The following EPHA3 variants were observed in gnomAD, a reference collection of about 807,000 sequenced individuals.
EPHA3 encodes ephrin type-A receptor 3.
Under a neutral mutation model 107.1 loss-of-function variants are expected in EPHA3, and 42 were observed. The observed-to-expected ratio is 0.39, with a 90% confidence interval of 0.31 to 0.51. The LOEUF (loss-of-function observed/expected upper bound fraction) is 0.51. EPHA3 is among the 20% of genes least tolerant of loss of function. EPHA3 has a pLI of 0.78. For synonymous variants in EPHA3, 461 were observed against 424.8 expected (o/e 1.09, Z -1.05); for missense variants, 1,183 against 1,211.2 (o/e 0.98, Z 0.35).
chr3:89,360,589 G>A (rs1708073302), intron 5 of EPHA3, among the ~76,000 whole-genome samples: 2 of 150,804 alleles, frequency 1.3e-5, no homozygotes. Flanking sequence ...CATATCACAA[G>A]AATCTCACCA....
intron 3 of EPHA3, among the ~76,000 whole-genome samples, chr3:89,223,628 T>G (rs1704434366): frequency 6.6e-6 from 1 of 152,174 alleles, no homozygotes; most frequent in South Asian, 2.1e-4. Flanking sequence ...GTACATGACT[T>G]GGTATCCATC....
intron 1 of EPHA3, among the ~76,000 whole-genome samples, chr3:89,108,332 G>A (rs1361241175): frequency 6.6e-6 from 1 of 152,138 alleles, no homozygotes. Context: ...TTGTCGAAGC[G>A]GAGGTGCGTG....
Position 89,355,925 on chromosome 3 carries a change from T to C in EPHA3, c.1306+13835T>C, listed in dbSNP as rs1332166399. 1.3e-5 allele frequency among the ~76,000 whole-genome samples: 2 copies of C among 150,292 alleles called. 1 individual carries two copies. The highest frequency in any genetic ancestry group is 3.0e-5 in the Non-Finnish European group (2 of 67,224). ...GTATACATGTGTCATGCTGGTGTGCTGCACCCATTAACTCTTCATTTAGCA... is the reference window on the plus strand; with the variant it reads ...GTATACATGTGTCATGCTGGTGTGCCGCACCCATTAACTCTTCATTTAGCA... On this transcript the variant is annotated intron_variant, in intron 5 of 16. Transcript: ENST00000336596.
rs1162005172 is a variant in EPHA3, at chr3:89,413,250, T to A, written c.1872T>A (p.Asp624Glu). Residue 624 changes from aspartate to glutamate, a missense_variant, in exon 10 of 17, where the codon GAT (aspartate) becomes GAA (glutamate). By Grantham distance (45) the Asp-to-Glu change is conservative (BLOSUM62 2). Transcript: ENST00000336596. ...KELDATNISI[D>E]KVVGAGEFGE... ...TGGATGCCACCAACATATCCATTGA[T>A]AAAGTTGTTGGAGCAGGTAACCACA... 2.5e-6 allele frequency: 4 copies of A among 1,611,634 alleles called. No individual in the cohort carries two copies. The South Asian group carries it at 3.3e-5, about 13-fold the overall frequency.
intron 3 of EPHA3, among the ~76,000 whole-genome samples, chr3:89,211,247 G>T (rs1271490437): frequency 6.6e-6 from 1 of 151,648 alleles, no homozygotes; most frequent in Non-Finnish European, 1.5e-5. Flanking sequence ...TATTAAAATC[G>T]CTTTATATTT....
intron 3 of EPHA3, among the ~76,000 whole-genome samples, chr3:89,329,742 T>A (rs1051814826): frequency 6.6e-6 from 1 of 152,084 alleles, no homozygotes; most frequent in African/African-American, 2.4e-5. Context: ...ATATTTTATT[T>A]TCATAACACC....
At chr3:89,109,692 C>T (rs1170207265) in intron 1 of EPHA3, among the ~76,000 whole-genome samples, 1 of 151,938 alleles carries the variant, frequency 6.6e-6, no homozygotes, top group African/African-American at 2.4e-5. Flanking sequence ...TTAAGCCTCA[C>T]CTCATGTATG....
At chr3:89,450,110 G>GAAA in intron 14 of EPHA3, 67 bp from the exon 15 acceptor site, 9 of 1,364,714 alleles carry the variant, frequency 6.6e-6, no homozygotes, top group Non-Finnish European at 8.9e-6. Flanking sequence ...CCCCGCCCAT[G>GAAA]AAAACGTAAA....
In EPHA3 at chr3:89,386,482, A is replaced by C. The variant is rs190364297; in HGVS notation, c.1307-9355A>C. On this transcript the variant is annotated intron_variant, in intron 5 of 16. Transcript: ENST00000336596. ...TTCCTAGTGTTGAGCCTGCAGGTGC[A>C]CTGAGGTTTGGGAACCTCCACCTAT... Among the ~76,000 whole-genome samples the C allele has an allele frequency of 1.6e-4, 24 of 152,326 alleles. No individual in the cohort carries two copies. In the East Asian group the frequency reaches 3.9e-3, roughly 25 times the overall value.
rs1559757843 is a variant in EPHA3 at position 89,160,587 on chromosome 3, TGTGC to T, written c.153+33316_153+33319del. Among the ~76,000 whole-genome samples the T allele has an allele frequency of 6.0e-4, 81 of 135,146 alleles. 1 individual carries two copies. The highest frequency in any genetic ancestry group is 2.3e-3 in the African/African-American group (78 of 34,144). The allele number at this position is 135,146 out of a possible 152,430, so 88.7% of individuals were successfully genotyped here. A position where few individuals can be genotyped will look rare whatever the true frequency, so the allele number is the denominator to read the frequency against. Reference sequence around the variant, plus strand: ...GTGTGTGTGTGTGTGTGTGTGTGTGTGTGCGCGCATTCTTTTTCTGTGTGTATTT... The same window carrying T: ...GTGTGTGTGTGTGTGTGTGTGTGTGTGCGCATTCTTTTTCTGTGTGTATTT... On this transcript the variant is annotated intron_variant, in intron 2 of 16. Coordinates refer to ENST00000336596, the MANE Select transcript of EPHA3 (RefSeq NM_005233.6).
At chr3:89,449,826 A>G (rs1163181260) in intron 14 of EPHA3, among the ~76,000 whole-genome samples, 1 of 152,200 alleles carries the variant, frequency 6.6e-6, no homozygotes, top group East Asian at 1.9e-4. Context: ...AATTTTGTCC[A>G]TATTCATTCA....
At chr3:89,274,041 G>C (rs561029258) in intron 3 of EPHA3, among the ~76,000 whole-genome samples, 74 of 152,000 alleles carry the variant, frequency 4.9e-4, no homozygotes, top group African/African-American at 1.7e-3. Context: ...CCTCAGCTGA[G>C]AACATGCATG....
chr3:89,180,236 A>T (rs1209301708), intron 2 of EPHA3, among the ~76,000 whole-genome samples: 1 of 151,890 alleles, frequency 6.6e-6, no homozygotes, highest in Admixed American at 6.6e-5. Context: ...TACATCTAAG[A>T]TATCTTAAAT....
chr3:89,303,589 C>T (rs901680925), intron 3 of EPHA3, among the ~76,000 whole-genome samples: 1 of 151,882 alleles, frequency 6.6e-6, no homozygotes, highest in Admixed American at 6.6e-5. Context: ...TCAAAAAGAT[C>T]GATTTCTTAT....
intron 15 of EPHA3, among the ~76,000 whole-genome samples, chr3:89,471,052 C>T (rs1576395409): frequency 6.6e-6 from 1 of 152,134 alleles, no homozygotes; most frequent in African/African-American, 2.4e-5. Context: ...GCTTTTATAA[C>T]TACCTTGTGC....
chr3:89,382,414 A>G (rs1042814887), intron 5 of EPHA3, among the ~76,000 whole-genome samples: 7 of 151,768 alleles, frequency 4.6e-5, no homozygotes, highest in African/African-American at 1.7e-4. Flanking sequence ...AGGCTGAGGC[A>G]GGAGAATCAC....
chr3:89,469,171 C>G (rs1294366052), intron 15 of EPHA3, among the ~76,000 whole-genome samples: 1 of 152,032 alleles, frequency 6.6e-6, no homozygotes. Context: ...ATAATTTGAA[C>G]TTGTGAAGTA....
intron 13 of EPHA3, among the ~76,000 whole-genome samples, chr3:89,436,394 C>T (rs1709670493): frequency 6.6e-6 from 1 of 152,118 alleles, no homozygotes; most frequent in African/African-American, 2.4e-5. Context: ...TAAAGTTTAA[C>T]GCAGTTCATC....
intron 3 of EPHA3, among the ~76,000 whole-genome samples, chr3:89,266,537 G>A (rs1008386459): frequency 1.3e-5 from 2 of 152,034 alleles, no homozygotes; most frequent in Non-Finnish European, 2.9e-5. Context: ...TTGACTAAAA[G>A]TCTTCTGATT....
Sources: gnomAD v4.1 joint callset for allele counts (sites outside exome capture counted in the v4.1 genomes callset) on GRCh38, gnomAD v4.1.1 for gene constraint, MANE v1.5 for transcripts, NCBI Gene and HGNC (gene_info 2026-07-23, HGNC 2026-07-21) for gene names.